CCNB3: variants seen among roughly 807,000 people sequenced by gnomAD.
CCNB3 encodes cyclin B3.
In CCNB3, 12 loss-of-function variants were observed where a neutral mutation model predicts 68.0. The observed-to-expected ratio is 0.18, with a 90% CI of 0.11 to 0.29. CCNB3 has a LOEUF of 0.29. Among genes scored for constraint, CCNB3 ranks in the 10% least tolerant of loss-of-function variants. The probability of loss-of-function intolerance (pLI) is 1.00; values close to 1 mark genes in which losing one functional copy is unlikely to be tolerated. For missense variants in CCNB3, 904 were observed against 993.1 expected (o/e 0.91, Z 1.21); for synonymous variants, 354 against 388.9 (o/e 0.91, Z 1.06).
intron 8 of CCNB3, among the ~76,000 whole-genome samples, chrX:50,319,186 G>C (rs782133956): frequency 1.8e-5 from 2 of 111,024 alleles, no homozygotes; most frequent in African/African-American, 6.5e-5. Flanking sequence ...AAATCATTGT[G>C]CTTGAGGTGG....
At chrX:50,340,168 G>A (rs1557219358) in intron 8 of CCNB3, among the ~76,000 whole-genome samples, 1 of 112,022 alleles carries the variant, frequency 8.9e-6, no homozygotes, top group African/African-American at 3.2e-5. Context: ...TTTCTCCAGT[G>A]CTTCTCATTG....
chrX:50,346,326 A>AT (rs1923401327), intron 9 of CCNB3, among the ~76,000 whole-genome samples: 1 of 111,851 alleles, frequency 8.9e-6, no homozygotes, highest in South Asian at 3.8e-4. Flanking sequence ...AGATTTCAAC[A>AT]TTCGTGGTTC....
intron 8 of CCNB3, among the ~76,000 whole-genome samples, chrX:50,337,841 A>G (rs1557219054): frequency 8.9e-6 from 1 of 112,002 alleles, no homozygotes; most frequent in East Asian, 2.8e-4. Context: ...GAGTATCAAG[A>G]AATCCCAGCC....
At chrX:50,210,453 T>C (rs1935464878) in intron 1 of CCNB3, among the ~76,000 whole-genome samples, 1 of 112,146 alleles carries the variant, frequency 8.9e-6, no homozygotes, top group South Asian at 3.7e-4. Flanking sequence ...AGAACGAAAT[T>C]GCTTGCTTTG....
chrX:50,311,568 TTG>T (rs1389162064), intron 6 of CCNB3, 72 bp downstream of exon 6: 2 of 815,810 alleles, frequency 2.5e-6, no homozygotes, highest in Non-Finnish European at 1.7e-6. Context: ...GCTAGCAAAG[TTG>T]TTTTTTTTTT....
chrX:50,339,265 T>C (rs1923003600), intron 8 of CCNB3, among the ~76,000 whole-genome samples: 1 of 112,167 alleles, frequency 8.9e-6, no homozygotes, highest in Admixed American at 9.5e-5. Flanking sequence ...AGATGTACAC[T>C]GGTTCACTCT....
intron 8 of CCNB3, among the ~76,000 whole-genome samples, chrX:50,335,066 C>T (rs964747837): frequency 8.9e-6 from 1 of 111,952 alleles, no homozygotes; most frequent in Non-Finnish European, 1.9e-5. Flanking sequence ...TTTGTGCACC[C>T]GACTGCTGTG....
At chrX:50,279,318 T>G (rs1437495027) in intron 1 of CCNB3, among the ~76,000 whole-genome samples, 1 of 72,300 alleles carries the variant, frequency 1.4e-5, no homozygotes, top group South Asian at 7.2e-4. Context: ...ATATTTAATA[T>G]ATATTTAAAT....
chrX:50,297,226 T>A (rs1217580061), intron 5 of CCNB3, among the ~76,000 whole-genome samples: 1 of 111,801 alleles, frequency 8.9e-6, no homozygotes, highest in Non-Finnish European at 1.9e-5. Flanking sequence ...CTGAATGGTA[T>A]TGCCTAGGTT....
chrX:50,287,502 A>G (rs1225898569), intron 3 of CCNB3, among the ~76,000 whole-genome samples: 1 of 112,155 alleles, frequency 8.9e-6, no homozygotes, highest in African/African-American at 3.2e-5. Flanking sequence ...GAACTTTTAA[A>G]AAACATGTAT....
chrX:50,227,376 A>G (rs1283266595), intron 1 of CCNB3, among the ~76,000 whole-genome samples: 1 of 80,781 alleles, frequency 1.2e-5, no homozygotes, highest in Admixed American at 1.8e-4. Context: ...GAATATATAT[A>G]AATATATACA....
intron 1 of CCNB3, among the ~76,000 whole-genome samples, chrX:50,226,950 TATATAGTATATATATAGA>T (rs1935853529): frequency 3.9e-5 from 3 of 76,484 alleles, no homozygotes; most frequent in African/African-American, 1.6e-4. Flanking sequence ...ATATAGAATA[TATATAGTATATATATAGA>T]ATATATATAG....
intron 1 of CCNB3, among the ~76,000 whole-genome samples, chrX:50,219,658 G>A (rs1223102125): frequency 4.5e-5 from 5 of 111,601 alleles, no homozygotes; most frequent in African/African-American, 1.6e-4. Flanking sequence ...GTACCATGTT[G>A]TTTTGGTTAC....
intron 9 of CCNB3, among the ~76,000 whole-genome samples, chrX:50,343,067 G>A (rs1923216708): frequency 9.0e-6 from 1 of 111,409 alleles, no homozygotes; most frequent in South Asian, 3.8e-4. Flanking sequence ...AATAGCCTCA[G>A]GATGTCCTTC....
intron 1 of CCNB3, among the ~76,000 whole-genome samples, chrX:50,205,927 G>A (rs1464055635): frequency 2.9e-5 from 3 of 102,237 alleles, no homozygotes; most frequent in Non-Finnish European, 5.9e-5. Flanking sequence ...CAGCCTGAAC[G>A]ACAGAGTGAG....
chrX:50,308,314 A>G (rs1360342939), intron 5 of CCNB3, among the ~76,000 whole-genome samples, 191 bp from the exon 6 acceptor site: 3 of 112,333 alleles, frequency 2.7e-5, no homozygotes, highest in Non-Finnish European at 3.8e-5. Context: ...TATCTAGGCC[A>G]TAGAAACTAT....
In CCNB3 at chrX:50,341,186, C is replaced by T. The variant is rs1317128518; in HGVS notation, c.3517-1016C>T. On this transcript the variant is annotated intron_variant, in intron 8 of 12. Transcript: ENST00000376042. ...TCTACTAAAAATACAAAAAATTAGC[C>T]GGGCGTGGTGGCGGATGCCTGTAGT... 4.6e-5 allele frequency among the ~76,000 whole-genome samples: 5 copies of T among 109,231 alleles called. 1 individual carries two copies. Among genetic ancestry groups the T allele is most frequent in the South Asian group, 4.0e-4 (1 of 2,500 alleles). The allele number at this position is 109,231 out of a possible 115,157, so 94.9% of individuals were successfully genotyped here.
chrX:50,214,704 A>T (rs1391509509), intron 1 of CCNB3, among the ~76,000 whole-genome samples: 1 of 101,638 alleles, frequency 9.8e-6, no homozygotes, highest in African/African-American at 3.5e-5. Flanking sequence ...TACACTTATT[A>T]TATATAAATT....
chrX:50,280,199 TATAA>T (rs1243139979), intron 1 of CCNB3, among the ~76,000 whole-genome samples: 3 of 94,418 alleles, frequency 3.2e-5, no homozygotes, highest in East Asian at 6.4e-4. Flanking sequence ...ATATAGAACA[TATAA>T]ATATATTTTT....
Sources: gnomAD v4.1 joint callset for allele counts (sites outside exome capture counted in the v4.1 genomes callset) on GRCh38, gnomAD v4.1.1 for gene constraint, MANE v1.5 for transcripts, NCBI Gene and HGNC (gene_info 2026-07-23, HGNC 2026-07-21) for gene names.